The following EXPH5 variants were observed in gnomAD, a reference collection of about 807,000 sequenced individuals.
EXPH5 encodes the protein exophilin-5.
EXPH5 carries 42 observed loss-of-function variants against 41.1 expected under a neutral mutation model. The observed-to-expected ratio is 1.02, with a 90% CI of 0.80 to 1.32. EXPH5 has a LOEUF of 1.32. Among genes scored for constraint, EXPH5 ranks in the 40% most tolerant of loss-of-function variants. The pLI is 0.00. For missense variants in EXPH5, 2,298 were observed against 2,314.5 expected (o/e 0.99, Z 0.15); for synonymous variants, 798 against 833.5 (o/e 0.96, Z 0.73).
rs888083464 is a variant in EXPH5 at position 108,593,722 on chromosome 11, C to G, written c.-186G>C. On this transcript the variant is annotated 5_prime_UTR_variant, in exon 1 of 6. Transcript: ENST00000265843. ...ACCTGAAGGGCTCATATTGACAATA[C>G]CTTAATGACATGTTTCTCTCAACCT... is the stretch of plus-strand genomic sequence containing the variant. 9 of 1,538,580 alleles carry G rather than the reference C, an allele frequency of 5.8e-6. No homozygotes were observed. The African/African-American group carries it at 6.8e-5, about 12-fold the overall frequency.
At chr11:108,553,553 G>C (rs2093977538) in intron 1 of EXPH5, among the ~76,000 whole-genome samples, 1 of 152,180 alleles carries the variant, frequency 6.6e-6, no homozygotes, top group African/African-American at 2.4e-5. Flanking sequence ...ATCACCCACT[G>C]TAACTTCTGT....
Position 108,511,328 on chromosome 11 carries a change from G to T in EXPH5, c.4179C>A (p.Thr1393=). Residue 1393 remains threonine (T), a synonymous_variant, in exon 6 of 6, where the codon ACC becomes ACA. Transcript: ENST00000265843. ...KERGKKLQSE[T]LHTSLMLQRK... ...TCTGAAGCATCAATGAAGTATGCAG[G>T]GTTTCACTTTGCAACTTTTTGCCTC... The T allele has an allele frequency of 6.3e-7, 1 of 1,584,132 alleles. No individual in the cohort carries two copies. The highest frequency in any genetic ancestry group is 2.2e-5 in the East Asian group (1 of 44,736).
chr11:108,586,138 C>T (rs979279095), intron 1 of EXPH5, among the ~76,000 whole-genome samples: 2 of 151,700 alleles, frequency 1.3e-5, no homozygotes, highest in African/African-American at 4.8e-5. Flanking sequence ...AGAGTTTTGC[C>T]ATGTTGGCCA....
chr11:108,578,352 G>C (rs1336538432), intron 1 of EXPH5, among the ~76,000 whole-genome samples: 1 of 152,156 alleles, frequency 6.6e-6, no homozygotes. Context: ...TGTAAATGTG[G>C]ATTTATTTCT....
rs1048834599 is a variant in EXPH5 at position 108,513,962 on chromosome 11, A to G, written c.1545T>C (p.Asn515=). 1.9e-6 allele frequency: 3 copies of G among 1,608,904 alleles called. No individual in the cohort carries two copies. In the African/African-American group the frequency reaches 4.0e-5, roughly 22 times the overall value. Residue 515 remains asparagine, a synonymous_variant, in exon 6 of 6, where the codon AAT becomes AAC. Coordinates refer to ENST00000265843, the MANE Select transcript of EXPH5 (RefSeq NM_015065.3). ...TATGGCCATGAATGGCTGATACACT[A>G]TTTGCTTCCATGGAAATCATTTCAA... ...RDFEMISMEA[N]SVSAIHGHNV...
intron 1 of EXPH5, among the ~76,000 whole-genome samples, chr11:108,556,288 CT>C (rs1175305582): frequency 0.012 from 1,673 of 141,258 alleles, 17 homozygotes; most frequent in Non-Finnish European, 0.015. Context: ...AATCTGCTGT[CT>C]TTTTTTTTTT....
At chr11:108,560,660 C>T (rs1440012638) in intron 1 of EXPH5, among the ~76,000 whole-genome samples, 16 of 152,168 alleles carry the variant, frequency 1.1e-4, no homozygotes, top group Admixed American at 1.0e-3. Flanking sequence ...TAGATGTAGT[C>T]ACATTTATTT....
At chr11:108,533,812 T>C (rs1047646657) in intron 3 of EXPH5, among the ~76,000 whole-genome samples, 5 of 152,164 alleles carry the variant, frequency 3.3e-5, no homozygotes, top group African/African-American at 9.7e-5. Context: ...TTTCTTTTTA[T>C]TGAGATAGGG....
At chr11:108,562,151 A>G (rs2094014580) in intron 1 of EXPH5, among the ~76,000 whole-genome samples, 1 of 152,174 alleles carries the variant, frequency 6.6e-6, no homozygotes, top group African/African-American at 2.4e-5. Context: ...ACATCCAGCC[A>G]TAAGCAGCAT....
chr11:108,556,235 C>T (rs1004040963), intron 1 of EXPH5, among the ~76,000 whole-genome samples: 2 of 150,810 alleles, frequency 1.3e-5, no homozygotes, highest in Non-Finnish European at 2.9e-5. Flanking sequence ...GGGAACCTTC[C>T]TTATCATGCG....
Position 108,509,683 on chromosome 11 carries a change from T to C in EXPH5, c.5824A>G (p.Ser1942Gly). Residue 1942 changes from serine to glycine, a missense_variant, in exon 6 of 6, where the codon AGT (serine) becomes GGT (glycine). Physicochemically the swap from Ser to Gly is moderately conservative, Grantham distance 56. Coordinates refer to ENST00000265843, the MANE Select transcript of EXPH5 (RefSeq NM_015065.3). Reference protein sequence around the residue: ...PSESLSSNSPSSQVPEDGLSP... With the variant: ...PSESLSSNSPGSQVPEDGLSP... ...AAGCCATCTTCTGGCACCTGACTAC[T>C]GGGAGAATTTGAGCTTAATGACTCT... The C allele has an allele frequency of 1.9e-6, 3 of 1,613,896 alleles. No individual in the cohort carries two copies. The South Asian group carries it at 3.3e-5, about 18-fold the overall frequency.
rs1162428122 is a variant in EXPH5, at chr11:108,539,050, T to A, written c.417A>T (p.Ser139=). ...CTTTCTGTCCCAGTGATGGAAGCTT[T>A]GAAGTCTCCTTTCCAGATTTCCTGA... ...FSFRKSGKET[S]KLPSLGQKGC... is the part of the protein sequence containing the mutation. Residue 139 remains serine, a synonymous_variant, in exon 3 of 6, where the codon TCA becomes TCT. Coordinates refer to ENST00000265843, the MANE Select transcript of EXPH5 (RefSeq NM_015065.3). 3 of 1,603,424 alleles carry A rather than the reference T, an allele frequency of 1.9e-6. No individual in the cohort carries two copies. Among genetic ancestry groups the A allele is most frequent in the South Asian group, 2.3e-5 (2 of 88,656 alleles).
upstream of EXPH5, among the ~76,000 whole-genome samples, chr11:108,598,178 G>C (rs2094141369): frequency 6.6e-6 from 1 of 152,190 alleles, no homozygotes; most frequent in Admixed American, 6.5e-5. Context: ...TGAAGGATAA[G>C]AAGCCAGACA....
At position 108,539,443 on chromosome 11, in the gene EXPH5, AG is replaced by A. The variant is rs1168689677; in HGVS notation, c.281-258del. Among the ~76,000 whole-genome samples, 4 of 152,238 alleles carry A rather than the reference AG, an allele frequency of 2.6e-5. No homozygotes were observed. In the East Asian group the frequency reaches 7.7e-4, roughly 29 times the overall value. Reference sequence around the variant, plus strand: ...GTGTACTGTGAATCAGAGTTCCTAGAGTGTTCCTCCTCTCACCCAAGCTAGG... The same window carrying A: ...GTGTACTGTGAATCAGAGTTCCTAGATGTTCCTCCTCTCACCCAAGCTAGG... On this transcript the variant is annotated intron_variant, in intron 2 of 5. Coordinates refer to ENST00000265843, the MANE Select transcript of EXPH5 (RefSeq NM_015065.3).
intron 1 of EXPH5, among the ~76,000 whole-genome samples, chr11:108,575,214 C>T (rs1416563507): frequency 6.6e-6 from 1 of 151,854 alleles, no homozygotes; most frequent in Non-Finnish European, 1.5e-5. Flanking sequence ...TTTTTTTTCC[C>T]ACAAAATTGG....
intron 3 of EXPH5, among the ~76,000 whole-genome samples, chr11:108,531,692 G>A (rs139785179): frequency 6.6e-6 from 1 of 152,292 alleles, no homozygotes; most frequent in Admixed American, 6.5e-5. Flanking sequence ...CTGGAACCCT[G>A]GGTGATTTCC....
intron 2 of EXPH5, among the ~76,000 whole-genome samples, chr11:108,540,382 G>A (rs2093906204): frequency 1.3e-5 from 2 of 152,074 alleles, no homozygotes; most frequent in African/African-American, 4.8e-5. Context: ...TTTGGGACAT[G>A]CTGACTTTAT....
upstream of EXPH5, chr11:108,593,838 T>TC (rs931505045): frequency 2.2e-5 from 26 of 1,194,514 alleles, no homozygotes; most frequent in Middle Eastern, 1.9e-4. Flanking sequence ...CCCTCCCTCG[T>TC]CCCCTCCCTC....
At chr11:108,548,685 T>C (rs2093949996) in intron 1 of EXPH5, among the ~76,000 whole-genome samples, 1 of 152,194 alleles carries the variant, frequency 6.6e-6, no homozygotes, top group Admixed American at 6.5e-5. Context: ...TCAAACTCTC[T>C]GGGTACGTGT....
Sources: gnomAD v4.1 joint callset for allele counts (sites outside exome capture counted in the v4.1 genomes callset) on GRCh38, gnomAD v4.1.1 for gene constraint, MANE v1.5 for transcripts, NCBI Gene and HGNC (gene_info 2026-07-23, HGNC 2026-07-21) for gene names.